The following CDH9 variants were observed in gnomAD, a reference collection of about 807,000 sequenced individuals.
CDH9 encodes cadherin 9.
CDH9 carries 28 observed loss-of-function variants against 70.9 expected under a neutral mutation model. The ratio of observed to expected loss-of-function variants is 0.40; its 90% CI spans 0.29 to 0.54. The LOEUF is 0.54. CDH9 is among the 20% of genes least tolerant of loss of function. CDH9 has a pLI of 0.59. For synonymous variants in CDH9, 409 were observed against 343.1 expected, an observed-to-expected ratio of 1.19 and a Z score of -2.12; for missense variants, 874 against 984.4, an observed-to-expected ratio of 0.89 and a Z score of 1.50.
chr5:26,976,887 TTTG>T (rs1193957110), intron 2 of CDH9, among the ~76,000 whole-genome samples: 1 of 151,978 alleles, frequency 6.6e-6, no homozygotes, highest in African/African-American at 2.4e-5. Flanking sequence ...CATAAAATAT[TTTG>T]TTATCTGTAT....
intron 2 of CDH9, among the ~76,000 whole-genome samples, chr5:26,964,795 C>T (rs1258453438): frequency 1.3e-5 from 2 of 148,498 alleles, no homozygotes; most frequent in Non-Finnish European, 3.0e-5. Flanking sequence ...CCCCACCACC[C>T]CCCAACAGGC....
Position 27,034,597 on chromosome 5 carries a change from G to A in CDH9, c.-50+3866C>T, listed in dbSNP as rs113139543. Among the ~76,000 whole-genome samples, 240 of 149,512 alleles carry A rather than the reference G, an allele frequency of 1.6e-3. 1 individual carries two copies. The highest frequency in any genetic ancestry group is 5.6e-3 in the African/African-American group (226 of 40,706). ...CTCTCTCTTACACACACACACACACGCACACAGAGCATCTGACCACAACAC... is the reference window on the plus strand; with the variant it reads ...CTCTCTCTTACACACACACACACACACACACAGAGCATCTGACCACAACAC... On this transcript the variant is annotated intron_variant, in intron 1 of 11. Transcript: ENST00000231021.
intron 2 of CDH9, among the ~76,000 whole-genome samples, chr5:26,936,619 C>A (rs568812789): frequency 6.6e-6 from 1 of 152,108 alleles, no homozygotes; most frequent in Admixed American, 6.6e-5. Context: ...AGTTGTATAA[C>A]TGACATTACT....
At chr5:27,034,247 T>G (rs1743354621) in intron 1 of CDH9, among the ~76,000 whole-genome samples, 1 of 151,702 alleles carries the variant, frequency 6.6e-6, no homozygotes, top group Admixed American at 6.6e-5. Flanking sequence ...GAGTAGAAAT[T>G]AAAATGAAGT....
intron 1 of CDH9, among the ~76,000 whole-genome samples, chr5:27,036,629 G>C (rs577983710): frequency 6.6e-6 from 1 of 151,878 alleles, no homozygotes; most frequent in Admixed American, 6.6e-5. Flanking sequence ...TGACTTTAGT[G>C]AATTATTCTT....
At chr5:26,934,933 G>GA (rs201260109) in intron 2 of CDH9, among the ~76,000 whole-genome samples, 4,865 of 140,096 alleles carry the variant, frequency 0.035, 155 homozygotes, top group East Asian at 0.19. Flanking sequence ...TAAAGATACT[G>GA]AAAAAAAAAA....
chr5:27,034,886 C>A (rs1444722678), intron 1 of CDH9, among the ~76,000 whole-genome samples: 2 of 151,514 alleles, frequency 1.3e-5, no homozygotes, highest in Non-Finnish European at 3.0e-5. Flanking sequence ...CCTCACTGTA[C>A]ACTCCTTACC....
chr5:26,919,693 G>A (rs1433050650), intron 2 of CDH9, among the ~76,000 whole-genome samples: 1 of 151,942 alleles, frequency 6.6e-6, no homozygotes, highest in African/African-American at 2.4e-5. Context: ...GAGGTGGGAG[G>A]GGAAAGAGGA....
At chr5:27,021,098 T>G (rs1743130535) in intron 1 of CDH9, among the ~76,000 whole-genome samples, 1 of 151,810 alleles carries the variant, frequency 6.6e-6, no homozygotes, top group Non-Finnish European at 1.5e-5. Context: ...ACTCAAATAT[T>G]ATAAAATGCC....
At chr5:26,889,759 C>A (rs1375463136) in intron 9 of CDH9, 77 bp downstream of exon 9, 10 of 834,826 alleles carry the variant, frequency 1.2e-5, no homozygotes, top group Non-Finnish European at 1.9e-5. Context: ...AGAAATCCTG[C>A]AAATAAAGTG....
chr5:26,973,370 T>G (rs1440955140), intron 2 of CDH9, among the ~76,000 whole-genome samples: 4 of 152,192 alleles, frequency 2.6e-5, no homozygotes, highest in Non-Finnish European at 5.9e-5. Context: ...ACTAGGTATC[T>G]GATTGCATGA....
chr5:26,988,739 A>G (rs561106662), intron 1 of CDH9, among the ~76,000 whole-genome samples: 1 of 152,084 alleles, frequency 6.6e-6, no homozygotes, highest in East Asian at 1.9e-4. Context: ...GACTAATAAA[A>G]GTAGAATATT....
At chr5:27,008,683 T>TA (rs1266046749) in intron 1 of CDH9, among the ~76,000 whole-genome samples, 5 of 152,108 alleles carry the variant, frequency 3.3e-5, no homozygotes, top group African/African-American at 9.6e-5. Context: ...CTTGTAAACT[T>TA]ACATTTGCCA....
intron 2 of CDH9, among the ~76,000 whole-genome samples, chr5:26,944,291 C>A (rs527475169): frequency 7.2e-4 from 109 of 151,268 alleles, no homozygotes; most frequent in African/African-American, 2.6e-3. Flanking sequence ...TTATCCTTGA[C>A]TCTTTTCTAT....
chr5:26,936,340 A>C (rs1182120056), intron 2 of CDH9, among the ~76,000 whole-genome samples: 3 of 152,128 alleles, frequency 2.0e-5, no homozygotes, highest in African/African-American at 7.2e-5. Flanking sequence ...CATTAATGCC[A>C]AAAAAGTAAA....
At chr5:26,922,488 A>C (rs1028936408) in intron 2 of CDH9, among the ~76,000 whole-genome samples, 3 of 152,134 alleles carry the variant, frequency 2.0e-5, no homozygotes, top group African/African-American at 7.2e-5. Flanking sequence ...TAGTATATCC[A>C]GTAGAAATAT....
At chr5:27,034,109 A>C (rs1743352764) in intron 1 of CDH9, among the ~76,000 whole-genome samples, 1 of 151,766 alleles carries the variant, frequency 6.6e-6, no homozygotes, top group Non-Finnish European at 1.5e-5. Flanking sequence ...ATTCCAATAT[A>C]AATTCTGTTA....
At chr5:26,989,897 T>C (rs1348512442) in intron 1 of CDH9, among the ~76,000 whole-genome samples, 2 of 152,190 alleles carry the variant, frequency 1.3e-5, no homozygotes, top group Non-Finnish European at 2.9e-5. Context: ...TTGTTGATTT[T>C]ATTTTACACT....
At chr5:26,924,533 T>C (rs60350850) in intron 2 of CDH9, among the ~76,000 whole-genome samples, 25,706 of 148,808 alleles carry the variant, frequency 0.17, 2,491 homozygotes, top group South Asian at 0.36. Context: ...ATATATATTA[T>C]ATATATAAAA....
Sources: gnomAD v4.1 joint callset for allele counts (sites outside exome capture counted in the v4.1 genomes callset) on GRCh38, gnomAD v4.1.1 for gene constraint, MANE v1.5 for transcripts, NCBI Gene and HGNC (gene_info 2026-07-23, HGNC 2026-07-21) for gene names.